Variants in CANX observed in about 807,000 individuals in gnomAD.
CANX encodes the protein epididymis secretory sperm binding protein.
CANX carries 14 observed loss-of-function variants against 75.7 expected under a neutral mutation model. The observed-to-expected ratio is 0.19, with a 90% CI of 0.12 to 0.29. CANX has a LOEUF of 0.29. Ranked by LOEUF, CANX falls within the 10% of genes least tolerant of loss-of-function variation. CANX has a pLI of 1.00. For missense variants in CANX, 567 were observed against 713.2 expected, an observed-to-expected ratio of 0.79 and a Z score of 2.34; for synonymous variants, 227 against 236.9, an observed-to-expected ratio of 0.96 and a Z score of 0.38.
chr5:179,708,915 C>A, intron 5 of CANX, 63 bp from the exon 6 acceptor site: 1 of 849,458 alleles, frequency 1.2e-6, no homozygotes, highest in Non-Finnish European at 2.1e-6. Context: ...AGAGGAAATA[C>A]ATTAAGAGAG....
At chr5:179,708,123 C>A in intron 4 of CANX, 116 bp from the exon 5 acceptor site, 1 of 794,136 alleles carries the variant, frequency 1.3e-6, no homozygotes, top group Non-Finnish European at 2.1e-6. Context: ...TAGGTGTGAG[C>A]GACCACGGCT....
intron 7 of CANX, among the ~76,000 whole-genome samples, chr5:179,713,189 C>G (rs1457035418): frequency 2.0e-5 from 3 of 152,034 alleles, no homozygotes; most frequent in Non-Finnish European, 4.4e-5. Context: ...TCCAGTGATT[C>G]TCCCGTCTCA....
chr5:179,679,655 GCTTT>G (rs1481373807), intron 1 of CANX, among the ~76,000 whole-genome samples: 7 of 151,962 alleles, frequency 4.6e-5, no homozygotes, highest in African/African-American at 1.4e-4. Context: ...GCCGAGCAGG[GCTTT>G]CTTTTTCTTT....
In CANX at chr5:179,730,544, T is replaced by C. The variant is rs1046000960; in HGVS notation, c.*1900T>C. Reference sequence around the variant, plus strand: ...TGCCTCCTTCACCCTCCGTTGACAGTATATGTCATGCCTCACTTTCTTCTA... The same window carrying C: ...TGCCTCCTTCACCCTCCGTTGACAGCATATGTCATGCCTCACTTTCTTCTA... On this transcript the variant is annotated 3_prime_UTR_variant, in exon 15 of 15. Transcript: ENST00000247461. The C allele has an allele frequency of 2.0e-5, 3 of 152,238 alleles. No individual in the cohort carries two copies. Among genetic ancestry groups the C allele is most frequent in the Non-Finnish European group, 4.4e-5 (3 of 68,040 alleles). 9.4% of individuals were successfully genotyped at this position (152,238 alleles called of 1,614,324 possible). A position where few individuals can be genotyped will look rare whatever the true frequency, so the allele number is the denominator to read the frequency against.
chr5:179,689,731 C>T (rs1159718757), intron 1 of CANX, among the ~76,000 whole-genome samples: 1 of 152,024 alleles, frequency 6.6e-6, no homozygotes, highest in African/African-American at 2.4e-5. Context: ...TTGCCTACTC[C>T]TGGAAGTCTT....
chr5:179,686,209 T>C (rs1039604855), intron 1 of CANX, among the ~76,000 whole-genome samples: 1 of 147,482 alleles, frequency 6.8e-6, no homozygotes, highest in Non-Finnish European at 1.5e-5. Flanking sequence ...GCAATTCTCC[T>C]GCCTCAGCCT....
intron 1 of CANX, among the ~76,000 whole-genome samples, chr5:179,704,924 AC>A (rs1777027207): frequency 6.6e-6 from 1 of 152,302 alleles, no homozygotes; most frequent in South Asian, 2.1e-4. Flanking sequence ...TAATTTGAAA[AC>A]ATGTCTATTG....
At position 179,719,669 on chromosome 5, in the gene CANX, G is replaced by A. The variant is rs756081134; in HGVS notation, c.913G>A (p.Asp305Asn). ...DPEAVKPDDW[D>N]EDAPAKIPDE... The stretch of plus-strand genomic sequence containing the variant: ...CTGGCTTTTTCTTTTGTATTTAAGG[G>A]ATGAAGATGCCCCTGCTAAGATTCC... The change falls in exon 9 of 15, where the codon GAT (aspartate) becomes AAT (asparagine). Residue 305 changes from aspartate (D) to asparagine (N), a missense_variant and splice_region_variant. Physicochemically the swap from Asp to Asn is conservative, Grantham distance 23. This residue lies in a region of CANX where 351 missense variants were observed against 433.8 expected (regional missense o/e 0.81). Transcript: ENST00000247461. The A allele has an allele frequency of 1.1e-5, 18 of 1,590,686 alleles. No homozygotes were observed. The South Asian group carries it at 1.7e-4, about 15-fold the overall frequency.
exon 1 of CANX, chr5:179,678,752 A>C: frequency 6.5e-7 from 1 of 1,537,054 alleles, no homozygotes; most frequent in Non-Finnish European, 8.7e-7. Context: ...CAGCATGTCT[A>C]TGAGCAGTTC....
In CANX at chr5:179,729,947, T is replaced by C. The variant is rs771232263; in HGVS notation, c.*1303T>C. On this transcript the variant is annotated 3_prime_UTR_variant, in exon 15 of 15. Coordinates refer to ENST00000247461, the MANE Select transcript of CANX (RefSeq NM_001746.4). ...TTCATGTAACAGTTGTGTCATAAAT[T>C]ACACAATAAAGCAGTCCTGTTCAAA... The C allele has an allele frequency of 2.6e-5, 4 of 152,608 alleles. No homozygotes were observed. The highest frequency in any genetic ancestry group is 5.9e-5 in the Non-Finnish European group (4 of 68,032). 9.5% of individuals were successfully genotyped at this position (152,608 alleles called of 1,614,324 possible).
chr5:179,679,070 G>A (rs1407949162), intron 1 of CANX: 3 of 1,535,566 alleles, frequency 2.0e-6, no homozygotes, highest in Non-Finnish European at 2.6e-6. Flanking sequence ...GATGTGATCG[G>A]CCCAAAACTG....
intron 10 of CANX, 51 bp from the exon 11 acceptor site, chr5:179,722,753 C>T (rs1271152718): frequency 2.3e-6 from 3 of 1,325,914 alleles, no homozygotes; most frequent in African/African-American, 1.5e-5. Flanking sequence ...TCACCATAAA[C>T]TTTTGTTGAT....
intron 1 of CANX, chr5:179,704,154 G>A (rs190629024): frequency 6.6e-6 from 1 of 152,156 alleles, no homozygotes; most frequent in East Asian, 1.9e-4. Flanking sequence ...TATTTCTTTA[G>A]ATCTGTGGTC....
intron 2 of CANX, 21 bp downstream of exon 2, chr5:179,705,873 C>CT: frequency 6.2e-7 from 1 of 1,602,830 alleles, no homozygotes; most frequent in Non-Finnish European, 8.5e-7. Context: ...GTCTTTGAAT[C>CT]TATTCCTTTT....
chr5:179,698,737 C>T (rs1031948477), upstream of CANX: 16 of 689,046 alleles, frequency 2.3e-5, no homozygotes, highest in Admixed American at 1.8e-4. Context: ...CCGCCCCTCA[C>T]CTCCCGCCCA....
intron 2 of CANX, 91 bp downstream of exon 2, chr5:179,705,943 A>G (rs1777106664): frequency 2.0e-6 from 2 of 1,024,820 alleles, no homozygotes; most frequent in East Asian, 2.4e-5. Context: ...AGTCTCAACT[A>G]CTCAGGAGGC....
At chr5:179,685,184 C>G (rs184855802) in intron 1 of CANX, among the ~76,000 whole-genome samples, 3 of 151,948 alleles carry the variant, frequency 2.0e-5, no homozygotes, top group Non-Finnish European at 4.4e-5. Flanking sequence ...CTGCAACCTC[C>G]GCCTCCTGGG....
intron 1 of CANX, chr5:179,680,832 A>G: frequency 6.7e-7 from 1 of 1,483,834 alleles, no homozygotes; most frequent in Non-Finnish European, 9.1e-7. Context: ...TAATACACTT[A>G]TCCCTCACAT....
chr5:179,680,089 G>A (rs534421305), intron 1 of CANX, among the ~76,000 whole-genome samples: 80 of 151,658 alleles, frequency 5.3e-4, no homozygotes, highest in African/African-American at 1.8e-3. Context: ...GGGATTACAG[G>A]TGTGAGCCAC....
Sources: allele counts gnomAD v4.1 joint callset (sites outside exome capture counted in the v4.1 genomes callset), GRCh38; gene constraint gnomAD v4.1.1; regional missense constraint gnomAD v4.1.1; transcripts MANE v1.5; gene names NCBI Gene and HGNC (gene_info 2026-07-23, HGNC 2026-07-21).